LAMA3: variants seen among roughly 807,000 people sequenced by gnomAD.
LAMA3 encodes the protein laminin subunit alpha 3.
LAMA3 carries 281 observed loss-of-function variants against 402.0 expected under a neutral mutation model. That is an observed-to-expected ratio of 0.70 (90% confidence interval 0.63 to 0.77). LAMA3 has a LOEUF of 0.77. LAMA3 is among the 30% of genes least tolerant of loss of function. The pLI is 0.00. For synonymous variants in LAMA3, 1,431 were observed against 1,558.4 expected (o/e 0.92, Z 1.93); for missense variants, 3,840 against 4,215.5 (o/e 0.91, Z 2.47).
chr18:23,931,506 A>G (rs967651795), intron 65 of LAMA3: 1 of 262,148 alleles, frequency 3.8e-6, no homozygotes, highest in Non-Finnish European at 7.3e-6. Flanking sequence ...AAACTAAAAT[A>G]AAATAAAATG....
At chr18:23,736,206 C>T (rs940166442) in intron 2 of LAMA3, among the ~76,000 whole-genome samples, 2 of 151,306 alleles carry the variant, frequency 1.3e-5, no homozygotes, top group African/African-American at 4.9e-5. Flanking sequence ...TAAACCATTA[C>T]AATACACTGC....
At chr18:23,924,833 A>T (rs1457367798) in intron 62 of LAMA3, among the ~76,000 whole-genome samples, 3 of 152,176 alleles carry the variant, frequency 2.0e-5, no homozygotes, top group Admixed American at 2.0e-4. Flanking sequence ...ATAAGCCACC[A>T]TGCACAGCCT....
chr18:23,934,688 T>C (rs1478741882), intron 67 of LAMA3, among the ~76,000 whole-genome samples: 2 of 152,170 alleles, frequency 1.3e-5, no homozygotes, highest in Admixed American at 1.3e-4. Flanking sequence ...CCAGATGGAT[T>C]TTCTTACCAA....
chr18:23,813,723 G>A (rs2063122778), intron 14 of LAMA3, among the ~76,000 whole-genome samples: 1 of 151,884 alleles, frequency 6.6e-6, no homozygotes, highest in Admixed American at 6.6e-5. Flanking sequence ...TGTATTTTTA[G>A]TAGAGATGGG....
chr18:23,712,559 C>T (rs901395567), intron 1 of LAMA3, among the ~76,000 whole-genome samples: 1 of 150,336 alleles, frequency 6.7e-6, no homozygotes, highest in Non-Finnish European at 1.5e-5. Flanking sequence ...ATATGGCCTC[C>T]GACCTCAGGA....
At position 23,778,455 on chromosome 18, in the gene LAMA3, G is replaced by A. The variant is rs936802668; in HGVS notation, c.1468+836G>A. On this transcript the variant is annotated intron_variant, in intron 11 of 74. Coordinates refer to ENST00000313654, the MANE Select transcript of LAMA3 (RefSeq NM_198129.4). ...GAGGCAGAGTTGTATTCTGAACATG[G>A]GTGCCACTTTTAAGGGGGAGCCATT... 1.1e-4 allele frequency among the ~76,000 whole-genome samples: 16 copies of A among 152,182 alleles called. No individual in the cohort carries two copies. In the East Asian group the frequency reaches 3.1e-3, roughly 29 times the overall value.
chr18:23,839,332 A>G lies in LAMA3; in HGVS notation c.3192-453A>G, dbSNP rs2063648700. Among the ~76,000 whole-genome samples, 2 of 152,230 alleles carry G rather than the reference A, an allele frequency of 1.3e-5. No homozygotes were observed. The highest frequency in any genetic ancestry group is 4.8e-5 in the African/African-American group (2 of 41,462). ...TCAAAAACAGCTTATGGGCATGGTC[A>G]TGAAATCTGGTGTGCATAGTTAGGA... On this transcript the variant is annotated intron_variant, in intron 26 of 74. Coordinates refer to ENST00000313654, the MANE Select transcript of LAMA3 (RefSeq NM_198129.4). The surrounding 1 kb of genome is among the most constrained non-coding windows in gnomAD (Gnocchi z 4.5).
At chr18:23,953,963 T>G (rs919330630) in intron 74 of LAMA3, among the ~76,000 whole-genome samples, 1 of 152,194 alleles carries the variant, frequency 6.6e-6, no homozygotes, top group Non-Finnish European at 1.5e-5. Flanking sequence ...TTAGAGCTAT[T>G]GATTTGGGCA....
chr18:23,925,393 A>C (rs554018387), intron 62 of LAMA3, among the ~76,000 whole-genome samples: 1 of 152,296 alleles, frequency 6.6e-6, no homozygotes, highest in East Asian at 1.9e-4. Context: ...CATCCCTGGT[A>C]ATGCCAGAGG....
At chr18:23,875,845 G>A (rs1386998263) in intron 38 of LAMA3, among the ~76,000 whole-genome samples, 1 of 152,098 alleles carries the variant, frequency 6.6e-6, no homozygotes, top group Non-Finnish European at 1.5e-5. Flanking sequence ...GAAGAGAGGA[G>A]CCCCTTCTCA....
At chr18:23,944,062 C>T in intron 69 of LAMA3, 91 bp downstream of exon 69, 1 of 1,286,066 alleles carries the variant, frequency 7.8e-7, no homozygotes, top group Non-Finnish European at 1.1e-6. Flanking sequence ...CCTTCCCAGA[C>T]ATGAGGGCGT....
intron 40 of LAMA3, among the ~76,000 whole-genome samples, chr18:23,883,644 G>A (rs1028695848): frequency 1.3e-5 from 2 of 152,292 alleles, no homozygotes; most frequent in Non-Finnish European, 2.9e-5. Context: ...TTTGATGCTC[G>A]TGAAGCCCGC....
intron 35 of LAMA3, among the ~76,000 whole-genome samples, chr18:23,862,457 A>C (rs1019574501): frequency 1.3e-5 from 2 of 152,148 alleles, no homozygotes; most frequent in African/African-American, 4.8e-5. Flanking sequence ...TAACGGGTGG[A>C]TTTCACAGGG....
At chr18:23,920,865 CG>C in intron 60 of LAMA3, 69 bp from the exon 61 acceptor site, 1 of 1,592,420 alleles carries the variant, frequency 6.3e-7, no homozygotes, top group Non-Finnish European at 8.6e-7. Context: ...GTGAGAGTAA[CG>C]GGAGTTCCAG....
At chr18:23,914,203 T>A (rs1437425731) in intron 56 of LAMA3, among the ~76,000 whole-genome samples, 1 of 152,174 alleles carries the variant, frequency 6.6e-6, no homozygotes, top group Non-Finnish European at 1.5e-5. Context: ...AATAAATGAG[T>A]GCCCTATAAC....
At chr18:23,877,653 T>C (rs2064766249) in intron 39 of LAMA3, among the ~76,000 whole-genome samples, 1 of 152,230 alleles carries the variant, frequency 6.6e-6, no homozygotes, top group African/African-American at 2.4e-5. Flanking sequence ...GAAATTGTTG[T>C]GAAGAGCCAA....
intron 64 of LAMA3, among the ~76,000 whole-genome samples, chr18:23,930,233 A>G (rs2082123357): frequency 1.3e-5 from 2 of 152,234 alleles, no homozygotes; most frequent in Admixed American, 1.3e-4. Context: ...TGACAGGAAG[A>G]GTCAAATTAT....
At chr18:23,921,369 TA>T in intron 61 of LAMA3, 82 bp from the exon 62 acceptor site, 2 of 1,449,588 alleles carry the variant, frequency 1.4e-6, no homozygotes, top group Non-Finnish European at 1.9e-6. Context: ...GGAAGATAAA[TA>T]AAAACATGAT....
chr18:23,719,564 A>G (rs868164918), intron 2 of LAMA3, among the ~76,000 whole-genome samples: 38 of 152,092 alleles, frequency 2.5e-4, no homozygotes, highest in Middle Eastern at 3.2e-3. Context: ...TACCTTTCTA[A>G]TTTTTCATGA....
Sources: allele counts gnomAD v4.1 joint callset (sites outside exome capture counted in the v4.1 genomes callset), GRCh38; gene constraint gnomAD v4.1.1; non-coding constraint Gnocchi (gnomAD v3.1); transcripts MANE v1.5; gene names NCBI Gene and HGNC (gene_info 2026-07-23, HGNC 2026-07-21).